Variants in ADAMTSL1 observed in about 807,000 individuals in gnomAD.
ADAMTSL1 encodes the protein ADAMTS-like protein 1.
Under a neutral mutation model 201.8 loss-of-function variants are expected in ADAMTSL1, and 126 were observed. The ratio of observed to expected loss-of-function variants is 0.62; its 90% CI spans 0.54 to 0.72. The LOEUF (loss-of-function observed/expected upper bound fraction) is 0.72, where lower values mean the gene tolerates loss of function less well. Among genes scored for constraint, ADAMTSL1 ranks in the 30% least tolerant of loss-of-function variants. ADAMTSL1 has a pLI of 0.00. For synonymous variants in ADAMTSL1, 1,121 were observed against 903.4 expected (o/e 1.24, Z -4.32); for missense variants, 2,679 against 2,277.8 (o/e 1.18, Z -3.59).
At chr9:18,886,211 T>TATATATATATAC (rs1202758335) in intron 23 of ADAMTSL1, among the ~76,000 whole-genome samples, 2 of 105,898 alleles carry the variant, frequency 1.9e-5, no homozygotes, top group Non-Finnish European at 3.8e-5. Context: ...TATATATATA[T>TATATATATATAC]ACACACACAT....
intron 4 of ADAMTSL1, among the ~76,000 whole-genome samples, chr9:18,586,761 G>A (rs1004674566): frequency 3.3e-5 from 5 of 151,990 alleles, no homozygotes; most frequent in Non-Finnish European, 5.9e-5. Flanking sequence ...TAGACCAATG[G>A]AACAGAATAG....
At chr9:18,438,993 T>G (rs1329747906) in intron 2 of ADAMTSL1, among the ~76,000 whole-genome samples, 1 of 87,066 alleles carries the variant, frequency 1.1e-5, no homozygotes, top group Non-Finnish European at 3.3e-5. Flanking sequence ...GTTGACAGGT[T>G]TTTTTTTTTT....
At chr9:18,376,957 T>C (rs1274045861) in intron 2 of ADAMTSL1, among the ~76,000 whole-genome samples, 1 of 152,258 alleles carries the variant, frequency 6.6e-6, no homozygotes, top group South Asian at 2.1e-4. Flanking sequence ...TTTTTATACA[T>C]GTTGCTTATC....
chr9:18,523,255 G>T (rs928730877), intron 2 of ADAMTSL1, among the ~76,000 whole-genome samples: 1 of 152,146 alleles, frequency 6.6e-6, no homozygotes, highest in African/African-American at 2.4e-5. Flanking sequence ...AGAAGTGTCT[G>T]TTCATATCCT....
Position 18,543,861 on chromosome 9 carries a change from T to G in ADAMTSL1, c.237+10569T>G, listed in dbSNP as rs78341308. ...GCTTTTCCTCTCCTCTCGGCCTTCT[T>G]CTGACTGTGGCACACATTTCTTTTT... On this transcript the variant is annotated intron_variant, in intron 3 of 28. Transcript: ENST00000380548. Among the ~76,000 whole-genome samples, 1,143 of 152,320 alleles carry G rather than the reference T, an allele frequency of 7.5e-3. 11 individuals carry two copies. Among genetic ancestry groups the G allele is most frequent in the East Asian group, 0.045 (231 of 5,178 alleles).
chr9:18,023,191 G>T (rs181057179), intron 1 of ADAMTSL1, among the ~76,000 whole-genome samples: 1 of 152,124 alleles, frequency 6.6e-6, no homozygotes, highest in Non-Finnish European at 1.5e-5. Flanking sequence ...CTAGAACAAT[G>T]ACTCAAATTG....
intron 1 of ADAMTSL1, among the ~76,000 whole-genome samples, chr9:18,474,891 T>C (rs1008779182): frequency 6.6e-6 from 1 of 152,114 alleles, no homozygotes; most frequent in Non-Finnish European, 1.5e-5. Flanking sequence ...AATTTACTTT[T>C]AAAGAAGAAA....
chr9:18,573,985 G>T lies in ADAMTSL1; in HGVS notation c.238-45G>T, dbSNP rs576641191. On this transcript the variant is annotated intron_variant, in intron 3 of 28. Transcript: ENST00000380548. The stretch of plus-strand genomic sequence containing the variant: ...AGCTGCTCTGGTTTCATGTTTGGGG[G>T]TATCCTCCTAACCTTTGTATGTCCT... The T allele has an allele frequency of 9.2e-6, 14 of 1,514,234 alleles. 1 individual carries two copies. In the South Asian group the frequency reaches 1.4e-4, roughly 15 times the overall value. The allele number at this position is 1,514,234 out of a possible 1,614,324, so 93.8% of individuals were successfully genotyped here.
chr9:17,976,178 T>A (rs765618216), intron 1 of ADAMTSL1, among the ~76,000 whole-genome samples: 6 of 152,136 alleles, frequency 3.9e-5, no homozygotes, highest in Non-Finnish European at 8.8e-5. Context: ...GCTTTGTTCT[T>A]GTTCAAGATC....
At chr9:18,660,644 T>TTTAGAGTACAGTGTAC (rs1477381882) in intron 8 of ADAMTSL1, among the ~76,000 whole-genome samples, 27 of 152,182 alleles carry the variant, frequency 1.8e-4, no homozygotes, top group Non-Finnish European at 3.5e-4. Flanking sequence ...ATTAGATGCT[T>TTTAGAGTACAGTGTAC]TTAGAGTACA....
chr9:18,689,976 CTTG>C (rs978473600), intron 13 of ADAMTSL1, among the ~76,000 whole-genome samples: 2 of 152,112 alleles, frequency 1.3e-5, no homozygotes, highest in African/African-American at 4.8e-5. Flanking sequence ...CATAAATAAT[CTTG>C]TTGTGAGCCA....
intron 14 of ADAMTSL1, among the ~76,000 whole-genome samples, chr9:18,717,667 C>A (rs571229290): frequency 2.6e-5 from 4 of 152,134 alleles, no homozygotes; most frequent in Non-Finnish European, 5.9e-5. Context: ...ATACAGTACA[C>A]CATTTTCATA....
At chr9:18,508,100 G>T (rs1050563250) in intron 2 of ADAMTSL1, among the ~76,000 whole-genome samples, 5 of 151,798 alleles carry the variant, frequency 3.3e-5, no homozygotes, top group African/African-American at 1.2e-4. Context: ...CAGGAGAATC[G>T]CTTGAACCCC....
At chr9:18,170,834 G>A (rs910667406) in intron 2 of ADAMTSL1, among the ~76,000 whole-genome samples, 1 of 152,076 alleles carries the variant, frequency 6.6e-6, no homozygotes, top group Non-Finnish European at 1.5e-5. Flanking sequence ...AACTGTGGTG[G>A]ATACATGACA....
chr9:18,679,159 T>C (rs968093007), intron 10 of ADAMTSL1, among the ~76,000 whole-genome samples: 28 of 152,164 alleles, frequency 1.8e-4, no homozygotes, highest in African/African-American at 5.8e-4. Context: ...ACTCACAATG[T>C]ACACAAAAAA....
At position 18,688,689 on chromosome 9, in the gene ADAMTSL1, A is replaced by AAAT. The variant is rs1554730404; in HGVS notation, c.1574+3890_1574+3891insATA. Among the ~76,000 whole-genome samples, 12 of 8,648 alleles carry AAAT rather than the reference A, an allele frequency of 1.4e-3. No individual in the cohort carries two copies. In the East Asian group the frequency reaches 0.019, roughly 14 times the overall value. 5.7% of individuals were successfully genotyped at this position (8,648 alleles called of 152,430 possible). On this transcript the variant is annotated intron_variant, in intron 13 of 28. Transcript: ENST00000380548. ...AAAAAAAAAAAAAAAAAAAAAAAAA[A>AAAT]ATATATATATATATATATATGACTG...
chr9:18,379,254 G>A (rs528169583), intron 2 of ADAMTSL1, among the ~76,000 whole-genome samples: 2 of 152,304 alleles, frequency 1.3e-5, no homozygotes, highest in South Asian at 4.1e-4. Context: ...AAACTCTAAG[G>A]AAACAGATGG....
intron 1 of ADAMTSL1, among the ~76,000 whole-genome samples, chr9:17,969,254 G>A (rs1206299969): frequency 6.6e-6 from 1 of 152,042 alleles, no homozygotes; most frequent in Non-Finnish European, 1.5e-5. Context: ...AGCCTTACAG[G>A]AAATAGGAAG....
chr9:18,136,477 G>A (rs1007459865), intron 1 of ADAMTSL1, among the ~76,000 whole-genome samples: 9 of 152,082 alleles, frequency 5.9e-5, no homozygotes, highest in African/African-American at 2.2e-4. Context: ...AGGATGTTAG[G>A]AGAGATAACT....
Sources: gnomAD v4.1 joint callset for allele counts (sites outside exome capture counted in the v4.1 genomes callset) on GRCh38, gnomAD v4.1.1 for gene constraint, MANE v1.5 for transcripts, NCBI Gene and HGNC (gene_info 2026-07-23, HGNC 2026-07-21) for gene names.